The following WWOX variants were observed in gnomAD, a reference collection of about 807,000 sequenced individuals.
The protein encoded by WWOX is WW domain-containing oxidoreductase.
Under a neutral mutation model 46.2 loss-of-function variants are expected in WWOX, and 69 were observed. That is an observed-to-expected ratio of 1.49 (90% confidence interval 1.23 to 1.82). The LOEUF is 1.82. Among genes scored for constraint, WWOX ranks in the 40% most tolerant of loss-of-function variants. The pLI is 0.00. For missense variants in WWOX, 919 were observed against 542.6 expected (o/e 1.69, Z -6.89); for synonymous variants, 359 against 202.6 (o/e 1.77, Z -6.56).
chr16:78,999,861 A>C (rs889995352), intron 8 of WWOX, among the ~76,000 whole-genome samples: 2 of 152,300 alleles, frequency 1.3e-5, no homozygotes, highest in East Asian at 1.9e-4. Context: ...GAAATACATA[A>C]AACTTTATAA....
At chr16:78,963,522 G>A (rs775676812) in intron 8 of WWOX, among the ~76,000 whole-genome samples, 2 of 152,114 alleles carry the variant, frequency 1.3e-5, no homozygotes, top group South Asian at 2.1e-4. Context: ...GACAGCAGTC[G>A]CTTCACTCCT....
At chr16:78,574,329 A>AGG (rs1180710961) in intron 8 of WWOX, among the ~76,000 whole-genome samples, 1 of 152,222 alleles carries the variant, frequency 6.6e-6, no homozygotes, top group Non-Finnish European at 1.5e-5. Flanking sequence ...ACACATTCAA[A>AGG]GGGAGGACAC....
chr16:78,452,539 G>C (rs917644957), intron 8 of WWOX, among the ~76,000 whole-genome samples: 3 of 146,776 alleles, frequency 2.0e-5, no homozygotes, highest in Non-Finnish European at 4.5e-5. Flanking sequence ...TGCAGTGGCG[G>C]ATCTTGGCTC....
At chr16:79,115,211 C>T (rs879299315) in intron 8 of WWOX, among the ~76,000 whole-genome samples, 10 of 152,286 alleles carry the variant, frequency 6.6e-5, no homozygotes, top group Admixed American at 6.5e-4. Flanking sequence ...ATTTGATTTG[C>T]CCTTTACTTG....
At chr16:79,059,115 G>T (rs1179657121) in intron 8 of WWOX, among the ~76,000 whole-genome samples, 1 of 152,166 alleles carries the variant, frequency 6.6e-6, no homozygotes, top group Non-Finnish European at 1.5e-5. Flanking sequence ...GTGAAATTGT[G>T]TTTTAATTTA....
Position 78,861,820 on chromosome 16 carries a change from G to A in WWOX, c.1057-349788G>A, listed in dbSNP as rs2043891276. ...TCCAGAAATTGTTGAAATAGGTAAA[G>A]CACAAAAGAAATTAAATACACCATG... On this transcript the variant is annotated intron_variant, in intron 8 of 8. Transcript: ENST00000566780. 3.3e-5 allele frequency among the ~76,000 whole-genome samples: 5 copies of A among 152,164 alleles called. No individual in the cohort carries two copies. In the South Asian group the frequency reaches 1.0e-3, roughly 31 times the overall value.
At position 78,115,051 on chromosome 16, in the gene WWOX, C is replaced by T. The variant is rs2032705568; in HGVS notation, c.306C>T (p.Thr102=). 1 of 1,614,044 alleles carries T rather than the reference C, an allele frequency of 6.2e-7. No individual in the cohort carries two copies. Among genetic ancestry groups the T allele is most frequent in the African/African-American group, 1.3e-5 (1 of 74,910 alleles). The change falls in exon 4 of 9, where the codon ACC becomes ACT. Residue 102 remains threonine, a synonymous_variant. Coordinates refer to ENST00000566780, the MANE Select transcript of WWOX (RefSeq NM_016373.4). ...TGGATGATAATCCGACCAAGCCAAC[C>T]ACCCGGCAAAGATACGACGGCAGCA... ...FTVDDNPTKP[T]TRQRYDGSTT...
intron 8 of WWOX, among the ~76,000 whole-genome samples, chr16:78,830,501 G>C (rs1179488784): frequency 6.6e-6 from 1 of 151,966 alleles, no homozygotes; most frequent in African/African-American, 2.4e-5. Context: ...CAAAATTAGA[G>C]TAAACAAATT....
chr16:78,218,059 C>T (rs1361001257), intron 5 of WWOX, among the ~76,000 whole-genome samples: 3 of 151,614 alleles, frequency 2.0e-5, no homozygotes, highest in Admixed American at 6.6e-5. Flanking sequence ...CTTTTCTTTT[C>T]TTTTTTCTTT....
At chr16:78,844,467 A>G (rs888319118) in intron 8 of WWOX, among the ~76,000 whole-genome samples, 1 of 152,140 alleles carries the variant, frequency 6.6e-6, no homozygotes, top group Non-Finnish European at 1.5e-5. Flanking sequence ...AGCCTTCTCT[A>G]TTACCAGTGA....
intron 4 of WWOX, among the ~76,000 whole-genome samples, chr16:78,145,064 A>T (rs1312932639): frequency 6.6e-6 from 1 of 152,168 alleles, no homozygotes; most frequent in Non-Finnish European, 1.5e-5. Context: ...TAGCTTAAAC[A>T]ACAAAATTTA....
intron 5 of WWOX, among the ~76,000 whole-genome samples, chr16:78,364,025 C>T (rs549204059): frequency 6.6e-6 from 1 of 152,314 alleles, no homozygotes; most frequent in Non-Finnish European, 1.5e-5. Context: ...CTTACATTTT[C>T]TCTTGGCCCC....
chr16:78,734,784 TG>T (rs2049045949), intron 8 of WWOX, among the ~76,000 whole-genome samples: 1 of 144,258 alleles, frequency 6.9e-6, no homozygotes, highest in Non-Finnish European at 1.5e-5. Flanking sequence ...GCAAATAGAC[TG>T]ACCCTACTTC....
intron 8 of WWOX, among the ~76,000 whole-genome samples, chr16:79,052,008 C>T (rs557575073): frequency 6.6e-6 from 1 of 151,110 alleles, no homozygotes; most frequent in Admixed American, 6.6e-5. Flanking sequence ...TTCTCCTCTG[C>T]CTTTGCCTCT....
intron 8 of WWOX, among the ~76,000 whole-genome samples, chr16:79,109,227 C>T (rs551173966): frequency 2.6e-5 from 4 of 152,150 alleles, no homozygotes; most frequent in Admixed American, 1.3e-4. Context: ...TCCCTTTTGC[C>T]GCTGTCCTCC....
chr16:79,042,957 C>G (rs2048000583), intron 8 of WWOX, among the ~76,000 whole-genome samples: 1 of 152,184 alleles, frequency 6.6e-6, no homozygotes, highest in Non-Finnish European at 1.5e-5. Context: ...GCCCTCATTT[C>G]TCATCCTTCT....
At chr16:78,701,569 C>G (rs1242889895) in intron 8 of WWOX, among the ~76,000 whole-genome samples, 1 of 152,058 alleles carries the variant, frequency 6.6e-6, no homozygotes, top group Non-Finnish European at 1.5e-5. Context: ...CAGCCTCCCC[C>G]CGATATACTC....
chr16:78,818,473 G>A (rs189178686), intron 8 of WWOX, among the ~76,000 whole-genome samples: 17 of 152,342 alleles, frequency 1.1e-4, no homozygotes, highest in Admixed American at 7.8e-4. Flanking sequence ...GCTCATGCCT[G>A]TAATCCCAGC....
At chr16:78,578,284 A>ATATATACATATT in intron 8 of WWOX, among the ~76,000 whole-genome samples, 1 of 20,842 alleles carries the variant, frequency 4.8e-5, no homozygotes, top group Non-Finnish European at 8.1e-5. Flanking sequence ...ATATATATAT[A>ATATATACATATT]TTTTTTTTTT....
Sources: gnomAD v4.1 joint callset for allele counts (sites outside exome capture counted in the v4.1 genomes callset) on GRCh38, gnomAD v4.1.1 for gene constraint, MANE v1.5 for transcripts, NCBI Gene and HGNC (gene_info 2026-07-23, HGNC 2026-07-21) for gene names.